GRAMD1C: variants seen among roughly 807,000 people sequenced by gnomAD.
GRAMD1C encodes GRAM domain containing 1C.
In GRAMD1C, 89 loss-of-function variants were observed where a neutral mutation model predicts 97.8. The observed-to-expected ratio is 0.91, with a 90% CI of 0.77 to 1.09. GRAMD1C has a LOEUF of 1.09. Ranked by LOEUF, GRAMD1C falls within the 50% of genes least tolerant of loss-of-function variation. The probability of loss-of-function intolerance (pLI) is 0.00; values close to 1 mark genes in which losing one functional copy is unlikely to be tolerated. For synonymous variants in GRAMD1C, 256 were observed against 267.0 expected, an observed-to-expected ratio of 0.96 and a Z score of 0.40; for missense variants, 740 against 766.4, an observed-to-expected ratio of 0.97 and a Z score of 0.41.
chr3:113,861,489 C>A (rs1418007792), intron 2 of GRAMD1C, among the ~76,000 whole-genome samples: 3 of 152,100 alleles, frequency 2.0e-5, no homozygotes, highest in Non-Finnish European at 4.4e-5. Context: ...GCCCTCCATC[C>A]TGGGCAACAA....
At position 113,934,560 on chromosome 3, in the gene GRAMD1C, A is replaced by G. The variant is rs751640589; in HGVS notation, c.1456+25A>G. 4.6e-5 allele frequency: 47 copies of G among 1,020,472 alleles called. No individual in the cohort carries two copies. The East Asian group carries it at 1.1e-3, about 24-fold the overall frequency. 63.2% of individuals were successfully genotyped at this position (1,020,472 alleles called of 1,614,324 possible). ...GGTTTGTAAATTTTTTTATTTATCT[A>G]TTTTTGTAAAGATGGGATTTATTAA... On this transcript the variant is annotated intron_variant, in intron 13 of 17. Coordinates refer to ENST00000358160, the MANE Select transcript of GRAMD1C (RefSeq NM_017577.5).
At chr3:113,850,478 CAG>C (rs1268864424) in intron 2 of GRAMD1C, 18 of 1,494,042 alleles carry the variant, frequency 1.2e-5, no homozygotes, top group Non-Finnish European at 1.7e-5. Context: ...GTCTCCGGGG[CAG>C]ATGAAGATAA....
At chr3:113,885,287 G>C in intron 6 of GRAMD1C, 1 of 1,473,978 alleles carries the variant, frequency 6.8e-7, no homozygotes. Context: ...GGCGGTGCCG[G>C]GGTCATCCGG....
At chr3:113,930,684 A>G (rs1170987025) in intron 10 of GRAMD1C, 30 bp from the exon 11 acceptor site, 1 of 1,121,294 alleles carries the variant, frequency 8.9e-7, no homozygotes, top group African/African-American at 1.5e-5. Flanking sequence ...AGTTTCTAGA[A>G]CTAACTCATT....
chr3:113,893,838 A>G (rs528276932), intron 6 of GRAMD1C, among the ~76,000 whole-genome samples: 83 of 152,344 alleles, frequency 5.4e-4, no homozygotes, highest in African/African-American at 1.8e-3. Context: ...GTAGAACTTC[A>G]ATGATTTGGA....
intron 8 of GRAMD1C, among the ~76,000 whole-genome samples, chr3:113,906,538 AGT>A (rs1171859657): frequency 6.6e-6 from 1 of 152,234 alleles, no homozygotes; most frequent in Admixed American, 6.5e-5. Context: ...ACAGCTGTCC[AGT>A]GTGTTTGTGG....
At chr3:113,851,522 C>CT (rs35669503) in intron 2 of GRAMD1C, among the ~76,000 whole-genome samples, 4,585 of 133,524 alleles carry the variant, frequency 0.034, 217 homozygotes, top group African/African-American at 0.1. Flanking sequence ...TTCTTTCTTT[C>CT]TTTTTTTTTT....
In GRAMD1C at chr3:113,877,707, C is replaced by A. The variant is rs565368175; in HGVS notation, c.459+1447C>A. Among the ~76,000 whole-genome samples, 7 of 152,068 alleles carry A rather than the reference C, an allele frequency of 4.6e-5. 1 individual carries two copies. In the South Asian group the frequency reaches 1.5e-3, roughly 32 times the overall value. On this transcript the variant is annotated intron_variant, in intron 5 of 17. Transcript: ENST00000358160. Reference sequence around the variant, plus strand: ...CATTACTGGTCATATTTACTTTGAACGTTCGATTAAGGTGGTGTCTGCAGA... The same window carrying A: ...CATTACTGGTCATATTTACTTTGAAAGTTCGATTAAGGTGGTGTCTGCAGA...
chr3:113,829,916 G>A (rs913117682), intron 1 of GRAMD1C, among the ~76,000 whole-genome samples: 2 of 152,084 alleles, frequency 1.3e-5, no homozygotes, highest in Admixed American at 6.6e-5. Context: ...AAACAAGGAC[G>A]CAGACAAACC....
chr3:113,838,749 C>A, upstream of GRAMD1C: 1 of 410,562 alleles, frequency 2.4e-6, no homozygotes, highest in Non-Finnish European at 4.1e-6. Flanking sequence ...AGGAATCCTT[C>A]ACGGCCGCCA....
At chr3:113,864,070 G>A (rs374950317) in intron 2 of GRAMD1C, among the ~76,000 whole-genome samples, 1 of 152,078 alleles carries the variant, frequency 6.6e-6, no homozygotes, top group East Asian at 1.9e-4. Flanking sequence ...ACTGTAAGTG[G>A]CTAAAAGCAG....
chr3:113,849,979 C>G (rs534191260), intron 2 of GRAMD1C, among the ~76,000 whole-genome samples: 4 of 150,788 alleles, frequency 2.7e-5, no homozygotes, highest in African/African-American at 9.7e-5. Flanking sequence ...GGGCTGACCC[C>G]CCCACCTCCC....
intron 1 of GRAMD1C, among the ~76,000 whole-genome samples, chr3:113,839,194 G>T (rs759183400): frequency 6.6e-6 from 1 of 152,220 alleles, no homozygotes; most frequent in African/African-American, 2.4e-5. Flanking sequence ...GAAATGTCCT[G>T]GTGCGGATGT....
At chr3:113,936,715 T>G (rs1178547857) in intron 14 of GRAMD1C, 1 of 242,732 alleles carries the variant, frequency 4.1e-6, no homozygotes, top group Non-Finnish European at 7.8e-6. Context: ...TTTTATTTAT[T>G]TTTTCTAGAT....
At chr3:113,873,977 G>A (rs943384367) in intron 3 of GRAMD1C, among the ~76,000 whole-genome samples, 5 of 152,168 alleles carry the variant, frequency 3.3e-5, no homozygotes, top group African/African-American at 1.2e-4. Context: ...TAGTTAATGG[G>A]TAACCTAACC....
intron 5 of GRAMD1C, 151 bp downstream of exon 5, chr3:113,876,411 A>T (rs2107385871): frequency 1.8e-6 from 1 of 542,238 alleles, no homozygotes; most frequent in Non-Finnish European, 3.3e-6. Context: ...ATGCAGTTAT[A>T]TTAGTGGTTA....
At chr3:113,894,195 T>C (rs1456921979) in intron 6 of GRAMD1C, among the ~76,000 whole-genome samples, 3 of 152,216 alleles carry the variant, frequency 2.0e-5, no homozygotes, top group African/African-American at 4.8e-5. Flanking sequence ...TTATTTCATA[T>C]TCCTACTGAT....
chr3:113,873,182 C>T (rs577114834), intron 3 of GRAMD1C, among the ~76,000 whole-genome samples: 2 of 151,242 alleles, frequency 1.3e-5, no homozygotes, highest in Admixed American at 6.6e-5. Flanking sequence ...ATAGCTTGAA[C>T]CCAGAAGGCA....
chr3:113,858,999 T>G (rs1934264877), intron 2 of GRAMD1C, among the ~76,000 whole-genome samples: 2 of 152,182 alleles, frequency 1.3e-5, no homozygotes. Flanking sequence ...TTGCTAGAGA[T>G]TTTATCAATT....
Sources: allele counts gnomAD v4.1 joint callset (sites outside exome capture counted in the v4.1 genomes callset), GRCh38; gene constraint gnomAD v4.1.1; transcripts MANE v1.5; gene names NCBI Gene and HGNC (gene_info 2026-07-23, HGNC 2026-07-21).